Variants in ITGB6 observed in about 807,000 individuals in gnomAD.
ITGB6 encodes the protein integrin subunit beta 6.
A neutral mutation model predicts 84.5 loss-of-function variants in ITGB6; 80 were observed. The ratio of observed to expected loss-of-function variants is 0.95; its 90% confidence interval spans 0.79 to 1.14. The LOEUF (loss-of-function observed/expected upper bound fraction) is 1.14, where lower values mean the gene tolerates loss of function less well. Ranked by LOEUF, ITGB6 falls within the 50% of genes most tolerant of loss-of-function variation. ITGB6 has a pLI of 0.00. For missense variants in ITGB6, 1,006 were observed against 968.0 expected (o/e 1.04, Z -0.52); for synonymous variants, 383 against 354.9 (o/e 1.08, Z -0.89).
rs11464202 is a variant in ITGB6 at position 160,128,274 on chromosome 2, C to CAA, written c.1661-1675_1661-1674dup. The stretch of plus-strand genomic sequence containing the variant: ...ATTTGAAAGATACGGGTAGACAATA[C>CAA]AAAAAAAAAAAAAGGTTCTATGCAT... On this transcript the variant is annotated intron_variant, in intron 10 of 14. Transcript: ENST00000283249. Among the ~76,000 whole-genome samples, 474 of 138,308 alleles carry CAA rather than the reference C, an allele frequency of 3.4e-3. 1 individual carries two copies. Among genetic ancestry groups the CAA allele is most frequent in the East Asian group, 8.4e-3 (38 of 4,528 alleles). The allele number at this position is 138,308 out of a possible 152,430, so 90.7% of individuals were successfully genotyped here. A position where few individuals can be genotyped will look rare whatever the true frequency, so the allele number is the denominator to read the frequency against.
intron 7 of ITGB6, among the ~76,000 whole-genome samples, chr2:160,163,959 T>C (rs2105856303): frequency 6.6e-6 from 1 of 152,268 alleles, no homozygotes; most frequent in South Asian, 2.1e-4. Flanking sequence ...CCCTATAAAG[T>C]GAAGGGCTTG....
chr2:160,181,077 C>T (rs1206612957), intron 4 of ITGB6, among the ~76,000 whole-genome samples: 3 of 152,150 alleles, frequency 2.0e-5, no homozygotes, highest in African/African-American at 4.8e-5. Context: ...GGGCAGACAG[C>T]GAGCTAGCTG....
intron 13 of ITGB6, among the ~76,000 whole-genome samples, chr2:160,111,824 C>G (rs541225306): frequency 1.1e-3 from 173 of 152,206 alleles, no homozygotes; most frequent in African/African-American, 4.0e-3. Flanking sequence ...AAGTGACCCA[C>G]CCTCCTCGGC....
intron 4 of ITGB6, among the ~76,000 whole-genome samples, chr2:160,182,434 A>G (rs975140341): frequency 6.6e-6 from 1 of 152,222 alleles, no homozygotes; most frequent in East Asian, 1.9e-4. Flanking sequence ...CATGAAGACA[A>G]GATTAGAGAA....
chr2:160,112,917 G>C (rs576225534), intron 12 of ITGB6, among the ~76,000 whole-genome samples: 1 of 152,130 alleles, frequency 6.6e-6, no homozygotes, highest in South Asian at 2.1e-4. Context: ...AAGTAAAATG[G>C]CCAATCTGAG....
At chr2:160,163,676 G>A (rs944908096) in intron 7 of ITGB6, among the ~76,000 whole-genome samples, 4 of 151,970 alleles carry the variant, frequency 2.6e-5, no homozygotes, top group African/African-American at 9.7e-5. Flanking sequence ...GTGTCTGGTG[G>A]TCTAGTGGTC....
At position 160,137,600 on chromosome 2, in the gene ITGB6, G is replaced by T. The variant is rs1320329851; in HGVS notation, c.1494C>A (p.Ser498Arg). The change falls in exon 10 of 15, where the codon AGC becomes AGA. Residue 498 changes from serine to arginine, a missense_variant. Coordinates refer to ENST00000283249, the MANE Select transcript of ITGB6 (RefSeq NM_000888.5). ...CTGGGGCCTCCTTGCAGGAATCTGT[G>T]CTCAGCATGTCCTCGCCACACTCAC... ...PRCECGEDMLSTDSCKEAPDH... is the reference protein window; with the variant it reads ...PRCECGEDMLRTDSCKEAPDH... 2 of 1,614,194 alleles carry T rather than the reference G, an allele frequency of 1.2e-6. No individual in the cohort carries two copies. Among genetic ancestry groups the T allele is most frequent in the Non-Finnish European group, 1.7e-6 (2 of 1,180,024 alleles).
intron 14 of ITGB6, 123 bp downstream of exon 14, chr2:160,107,556 C>T (rs899784390): frequency 1.8e-5 from 15 of 849,074 alleles, no homozygotes; most frequent in African/African-American, 6.8e-5. Flanking sequence ...GGAGTCATGG[C>T]GAGAGTGGGA....
chr2:160,109,689 C>T (rs1167016134), intron 13 of ITGB6, among the ~76,000 whole-genome samples: 3 of 152,212 alleles, frequency 2.0e-5, no homozygotes, highest in African/African-American at 4.8e-5. Context: ...TGGATTTCTA[C>T]GTGGAAGAAG....
chr2:160,126,843 G>C (rs1277935935), intron 10 of ITGB6, among the ~76,000 whole-genome samples: 1 of 152,186 alleles, frequency 6.6e-6, no homozygotes, highest in Non-Finnish European at 1.5e-5. Flanking sequence ...CTTACTTTAT[G>C]TTTGTAAACC....
intron 7 of ITGB6, among the ~76,000 whole-genome samples, chr2:160,148,652 T>TCACCCGGGAAGTG (rs1402614241): frequency 2.4e-4 from 37 of 152,296 alleles, no homozygotes; most frequent in Non-Finnish European, 4.6e-4. Context: ...GGGCATTGCC[T>TCACCCGGGAAGTG]CACCCGGGAA....
At chr2:160,158,968 G>A (rs1016456286) in intron 7 of ITGB6, among the ~76,000 whole-genome samples, 25 of 152,000 alleles carry the variant, frequency 1.6e-4, no homozygotes, top group Non-Finnish European at 3.5e-4. Context: ...GTGTGGTGGT[G>A]TGCGCCTGTA....
chr2:160,138,147 T>C lies in ITGB6; in HGVS notation c.1160A>G (p.Asn387Ser), dbSNP rs1683839551. The change falls in exon 9 of 15, where the codon AAC becomes AGC. Residue 387 changes from asparagine (N) to serine (S), a missense_variant. Physicochemically the swap from Asn to Ser is conservative, Grantham distance 46. Transcript: ENST00000283249. ...LEVLGDTEGL[N>S]LSFTAICNNG... ...GTTACAGATGGCTGTAAATGACAAGTTGAGTCCTTCAGTGTCTCCTAATAC... is the reference window on the plus strand; with the variant it reads ...GTTACAGATGGCTGTAAATGACAAGCTGAGTCCTTCAGTGTCTCCTAATAC... The C allele has an allele frequency of 8.1e-6, 13 of 1,614,026 alleles. No homozygotes were observed. The highest frequency in any genetic ancestry group is 1.1e-5 in the Non-Finnish European group (13 of 1,179,956).
chr2:160,191,021 C>T (rs1686120384), intron 4 of ITGB6, among the ~76,000 whole-genome samples: 1 of 152,042 alleles, frequency 6.6e-6, no homozygotes, highest in African/African-American at 2.4e-5. Flanking sequence ...ACACAATATA[C>T]CAAAGAACTA....
In ITGB6 at chr2:160,137,770, C is replaced by T. The variant is rs755729961; in HGVS notation, c.1324G>A (p.Asp442Asn). The change falls in exon 10 of 15, where the codon GAT becomes AAT. Residue 442 changes from aspartate to asparagine, a missense_variant. Asp to Asn is a conservative substitution (Grantham distance 23, BLOSUM62 1). Transcript: ENST00000283249. ...GGGCTGACAAGTAATTCCAGGGCAT[C>T]CCCCAGCCCCACAGGCTTTATGATA... ...HIIIKPVGLG[D>N]ALELLVSPEC... is the part of the protein sequence containing the mutation. 4 of 1,614,104 alleles carry T rather than the reference C, an allele frequency of 2.5e-6. No individual in the cohort carries two copies. The highest frequency in any genetic ancestry group is 3.3e-4 in the Middle Eastern group (2 of 6,062).
chr2:160,119,395 G>T (rs1345638882), intron 12 of ITGB6, among the ~76,000 whole-genome samples: 1 of 151,984 alleles, frequency 6.6e-6, no homozygotes, highest in East Asian at 1.9e-4. Context: ...TGACAAACCT[G>T]AGAAAAACAA....
chr2:160,127,893 T>C (rs1421270343), intron 10 of ITGB6, among the ~76,000 whole-genome samples: 5 of 152,210 alleles, frequency 3.3e-5, no homozygotes, highest in Non-Finnish European at 2.9e-5. Context: ...AGCTGTGTGA[T>C]CATGAGAGCC....
At position 160,101,763 on chromosome 2, in the gene ITGB6, T is replaced by C. The variant is rs768992437; in HGVS notation, c.2340A>G (p.Gln780=). 6 of 1,596,214 alleles carry C rather than the reference T, an allele frequency of 3.8e-6. No homozygotes were observed. The highest frequency in any genetic ancestry group is 5.2e-6 in the Non-Finnish European group (6 of 1,163,854). Residue 780 remains glutamine (Q), a synonymous_variant, in exon 15 of 15, where the codon CAA becomes CAG. Coordinates refer to ENST00000283249, the MANE Select transcript of ITGB6 (RefSeq NM_000888.5). ...AGCAATCTGTGGAAAGGTCTACCTT[T>C]TGTTTTTCCCTGTGTTTATAAGTTA... ...KNVTYKHREK[Q]KVDLSTDC is the part of the protein sequence containing the mutation.
chr2:160,115,647 A>C (rs1344437086), intron 12 of ITGB6, among the ~76,000 whole-genome samples: 7 of 152,266 alleles, frequency 4.6e-5, no homozygotes, highest in Non-Finnish European at 1.0e-4. Context: ...CAGCAGTGGA[A>C]CAAAGCTGGA....
Sources: gnomAD v4.1 joint callset for allele counts (sites outside exome capture counted in the v4.1 genomes callset) on GRCh38, gnomAD v4.1.1 for gene constraint, MANE v1.5 for transcripts, NCBI Gene and HGNC (gene_info 2026-07-23, HGNC 2026-07-21) for gene names.